UNC13B: variants seen among roughly 807,000 people sequenced by gnomAD.
UNC13B encodes the protein unc-13 homolog B, also known as protein unc-13 homolog B.
UNC13B carries 144 observed loss-of-function variants against 211.0 expected under a neutral mutation model. That is an observed-to-expected ratio of 0.68 (90% CI 0.60 to 0.78). The LOEUF (loss-of-function observed/expected upper bound fraction) is 0.78, where lower values mean the gene tolerates loss of function less well. UNC13B is among the 30% of genes least tolerant of loss of function. The probability of loss-of-function intolerance (pLI) is 0.00; values close to 1 mark genes in which losing one functional copy is unlikely to be tolerated. For missense variants in UNC13B, 1,777 were observed against 2,002.0 expected (o/e 0.89, Z 2.14); for synonymous variants, 709 against 725.8 (o/e 0.98, Z 0.37).
intron 1 of UNC13B, among the ~76,000 whole-genome samples, chr9:35,200,154 T>A (rs1823195173): frequency 6.6e-6 from 1 of 152,220 alleles, no homozygotes; most frequent in Admixed American, 6.5e-5. Context: ...TGGTTGTAGA[T>A]GTGTGGTATT....
chr9:35,322,984 A>G (rs1587618836), intron 11 of UNC13B, among the ~76,000 whole-genome samples: 1 of 151,864 alleles, frequency 6.6e-6, no homozygotes, highest in South Asian at 2.1e-4. Flanking sequence ...GTAAAATATA[A>G]AATTGAAAAG....
At chr9:35,196,380 G>A (rs1483716120) in intron 1 of UNC13B, among the ~76,000 whole-genome samples, 1 of 152,208 alleles carries the variant, frequency 6.6e-6, no homozygotes, top group African/African-American at 2.4e-5. Flanking sequence ...CCAGGTCACT[G>A]GCTGCAGAGT....
At chr9:35,251,573 C>T (rs550613806) in intron 6 of UNC13B, among the ~76,000 whole-genome samples, 2 of 151,890 alleles carry the variant, frequency 1.3e-5, no homozygotes, top group East Asian at 1.9e-4. Flanking sequence ...AGTGACAGAG[C>T]GAGATTCCCT....
intron 11 of UNC13B, among the ~76,000 whole-genome samples, chr9:35,336,986 G>A (rs1024922604): frequency 6.6e-6 from 1 of 152,176 alleles, no homozygotes; most frequent in African/African-American, 2.4e-5. Context: ...CACATTAAGT[G>A]AGTGCAAGGG....
In UNC13B at chr9:35,386,149, T is replaced by C. The variant is rs758856748; in HGVS notation, c.10966-16T>C. The stretch of plus-strand genomic sequence containing the variant: ...GAGCAGGTCCTTGGGCCCATATTTC[T>C]TCTTTTAATTGGCAGGTACAAGAAC... On this transcript the variant is annotated splice_polypyrimidine_tract_variant and intron_variant, in intron 23 of 39. Coordinates refer to ENST00000635942, the MANE Select transcript of UNC13B (RefSeq NM_001371189.2). 2 of 1,614,060 alleles carry C rather than the reference T, an allele frequency of 1.2e-6. No individual in the cohort carries two copies. The highest frequency in any genetic ancestry group is 1.7e-6 in the Non-Finnish European group (2 of 1,179,940).
At chr9:35,221,578 T>C (rs1437199146) in intron 1 of UNC13B, among the ~76,000 whole-genome samples, 1 of 152,246 alleles carries the variant, frequency 6.6e-6, no homozygotes, top group African/African-American at 2.4e-5. Flanking sequence ...GCTGAAGATA[T>C]TTAACTTGAT....
intron 2 of UNC13B, among the ~76,000 whole-genome samples, chr9:35,230,919 A>G (rs1247221320): frequency 6.6e-6 from 1 of 152,200 alleles, no homozygotes; most frequent in Non-Finnish European, 1.5e-5. Flanking sequence ...ATTTTAGATT[A>G]TGCTCTTGAA....
chr9:35,399,799 AG>A, intron 36 of UNC13B, 70 bp downstream of exon 36: 2 of 1,482,236 alleles, frequency 1.3e-6, no homozygotes, highest in Non-Finnish European at 1.9e-6. Flanking sequence ...CCACTCTCCC[AG>A]ACCAGGTGTC....
chr9:35,378,064 G>A lies in UNC13B; in HGVS notation c.10064-231G>A, dbSNP rs558600796. On this transcript the variant is annotated intron_variant, in intron 16 of 39. Coordinates refer to ENST00000635942, the MANE Select transcript of UNC13B (RefSeq NM_001371189.2). Reference sequence around the variant, plus strand: ...GGCTGAAGCATGTATATATCAGAGGGTGTAAAGATCAATATAGAGATAAGT... The same window carrying A: ...GGCTGAAGCATGTATATATCAGAGGATGTAAAGATCAATATAGAGATAAGT... Among the ~76,000 whole-genome samples, 190 of 152,264 alleles carry A rather than the reference G, an allele frequency of 1.2e-3. 1 individual carries two copies. The highest frequency in any genetic ancestry group is 1.5e-3 in the Non-Finnish European group (105 of 68,026).
chr9:35,398,902 A>G lies in UNC13B; in HGVS notation c.11942A>G (p.Glu3981Gly), dbSNP rs1258691424. 2 of 1,614,008 alleles carry G rather than the reference A, an allele frequency of 1.2e-6. No homozygotes were observed. Among genetic ancestry groups the G allele is most frequent in the Non-Finnish European group, 1.7e-6 (2 of 1,179,964 alleles). ...FGNSFQVRID[E>G]CVRQMADILG... ...TGTAGTTTCCAGGTACGGATTGATG[A>G]GTGTGTTCGACAAATGGCCGACATC... The change falls in exon 33 of 40, where the codon GAG (glutamate) becomes GGG (glycine). Residue 3981 changes from glutamate (E) to glycine (G), a missense_variant. Physicochemically the swap from Glu to Gly is moderately conservative, Grantham distance 98. Coordinates refer to ENST00000635942, the MANE Select transcript of UNC13B (RefSeq NM_001371189.2).
At chr9:35,200,083 T>C (rs1300110801) in intron 1 of UNC13B, among the ~76,000 whole-genome samples, 1 of 152,192 alleles carries the variant, frequency 6.6e-6, no homozygotes, top group African/African-American at 2.4e-5. Context: ...CCCAGCACCA[T>C]TTATTAAATA....
chr9:35,186,123 A>G (rs907911775), intron 1 of UNC13B, among the ~76,000 whole-genome samples: 3 of 152,108 alleles, frequency 2.0e-5, no homozygotes, highest in African/African-American at 4.8e-5. Context: ...CAGCATTAAC[A>G]TTAAAACAGA....
intron 6 of UNC13B, among the ~76,000 whole-genome samples, chr9:35,256,708 ACACACATATGTGTG>A (rs1211812514): frequency 2.6e-5 from 4 of 152,178 alleles, no homozygotes; most frequent in South Asian, 4.1e-4. Flanking sequence ...TTATATGCTA[ACACACATATGTGTG>A]CACACATATA....
intron 24 of UNC13B, among the ~76,000 whole-genome samples, chr9:35,388,404 T>A (rs755154590): frequency 3.9e-5 from 6 of 151,918 alleles, no homozygotes; most frequent in Non-Finnish European, 7.4e-5. Context: ...TGAGACTCCG[T>A]CTCAAAAAAA....
chr9:35,281,428 G>A lies in UNC13B; in HGVS notation c.527-14268G>A, dbSNP rs201562078. Among the ~76,000 whole-genome samples the A allele has an allele frequency of 3.1e-3, 319 of 101,480 alleles. 7 individuals are homozygous for A. The highest frequency in any genetic ancestry group is 0.01 in the Middle Eastern group (2 of 200). The allele number at this position is 101,480 out of a possible 152,430, so 66.6% of individuals were successfully genotyped here. On this transcript the variant is annotated intron_variant, in intron 7 of 39. Transcript: ENST00000635942. ...CTGTCTCAAAAAAAAAAAAAAGAGA[G>A]AGAGAGGAATGAAAGTCCCTGACCT...
chr9:35,315,823 G>C (rs1359699552), intron 11 of UNC13B, among the ~76,000 whole-genome samples: 1 of 152,078 alleles, frequency 6.6e-6, no homozygotes, highest in Non-Finnish European at 1.5e-5. Flanking sequence ...TTTTCATTTT[G>C]TAGCATGTTC....
chr9:35,361,723 T>C (rs1321554522), intron 11 of UNC13B: 2 of 152,182 alleles, frequency 1.3e-5, no homozygotes, highest in Non-Finnish European at 2.9e-5. Flanking sequence ...CTTAGAAGTG[T>C]GGACATAGAA....
chr9:35,314,406 C>T (rs16932332), intron 11 of UNC13B, among the ~76,000 whole-genome samples: 4,456 of 151,944 alleles, frequency 0.029, 216 homozygotes, highest in African/African-American at 0.1. Context: ...AGTTTAAGTC[C>T]CAAAGTATCA....
At chr9:35,232,482 T>C (rs907801462) in intron 3 of UNC13B, among the ~76,000 whole-genome samples, 5 of 151,970 alleles carry the variant, frequency 3.3e-5, no homozygotes, top group Non-Finnish European at 7.4e-5. Context: ...GCACCCAGCT[T>C]ATATTGCTTC....
Sources: allele counts gnomAD v4.1 joint callset (sites outside exome capture counted in the v4.1 genomes callset), GRCh38; gene constraint gnomAD v4.1.1; transcripts MANE v1.5; gene names NCBI Gene and HGNC (gene_info 2026-07-23, HGNC 2026-07-21).